Variants in OSBPL3 observed in about 807,000 individuals in gnomAD.
The protein encoded by OSBPL3 is oxysterol-binding protein-related protein 3.
A neutral mutation model predicts 120.1 loss-of-function variants in OSBPL3; 65 were observed. That is an observed-to-expected ratio of 0.54 (90% CI 0.44 to 0.67). The LOEUF is 0.67. Among genes scored for constraint, OSBPL3 ranks in the 30% least tolerant of loss-of-function variants. The pLI is 0.00. For missense variants in OSBPL3, 1,004 were observed against 1,082.1 expected (o/e 0.93, Z 1.01); for synonymous variants, 416 against 402.6 (o/e 1.03, Z -0.40).
rs1562796139 is a variant in OSBPL3, at chr7:24,834,670, G to GGGCAGGGCGCC, written c.1551_1561dup (p.Pro521ArgfsTer16). ...CCACAGGCTGATGTTACTGCTGCTCGGGCAGGGCGCCGGCAGGCACGTTCT... is the reference window on the plus strand; with the variant it reads ...CCACAGGCTGATGTTACTGCTGCTCGGGCAGGGCGCCGGCAGGGCGCCGGCAGGCACGTTCT... On this transcript the variant is annotated frameshift_variant, in exon 15 of 23. Transcript: ENST00000313367. LOFTEE classifies it high-confidence loss of function. The surrounding 1 kb of genome is among the most constrained non-coding windows in gnomAD (Gnocchi z 5.2). 7 of 1,613,972 alleles carry GGGCAGGGCGCC rather than the reference G, an allele frequency of 4.3e-6. No homozygotes were observed. In the Admixed American group the frequency reaches 1.2e-4, roughly 27 times the overall value.
intron 1 of OSBPL3, among the ~76,000 whole-genome samples, chr7:24,934,597 A>G (rs1812172535): frequency 6.6e-6 from 1 of 152,206 alleles, no homozygotes. Flanking sequence ...CGGATTAGAA[A>G]TCAGGATGAA....
Position 24,819,480 on chromosome 7 carries a change from A to G in OSBPL3, c.1948+695T>C, listed in dbSNP as rs1472698570. On this transcript the variant is annotated intron_variant, in intron 17 of 22. Transcript: ENST00000313367. The surrounding 1 kb of genome is among the most constrained non-coding windows in gnomAD (Gnocchi z 4.1). The stretch of plus-strand genomic sequence containing the variant: ...TGATTGCCTCCAAAGAGAGAAACTG[A>G]GTGGCTGGGGAAGGGGGTTACAGTA... 6.6e-6 allele frequency among the ~76,000 whole-genome samples: 1 copy of G among 152,134 alleles called. No individual in the cohort carries two copies.
Position 24,872,159 on chromosome 7 carries a change from C to T in OSBPL3, c.97-90G>A. On this transcript the variant is annotated intron_variant, in intron 2 of 22. Transcript: ENST00000313367. The surrounding 1 kb of genome is among the most constrained non-coding windows in gnomAD (Gnocchi z 4.1). The stretch of plus-strand genomic sequence containing the variant: ...ACTGCATCCTGTCAGTAAATTTATT[C>T]AAGATGGGGAGGCTGGCTGGGTTTG... 1 of 927,434 alleles carries T rather than the reference C, an allele frequency of 1.1e-6. No individual in the cohort carries two copies. Among genetic ancestry groups the T allele is most frequent in the Admixed American group, 1.8e-5 (1 of 54,990 alleles). The allele number at this position is 927,434 out of a possible 1,614,324, so 57.5% of individuals were successfully genotyped here.
intron 13 of OSBPL3, among the ~76,000 whole-genome samples, chr7:24,841,469 G>T (rs1419477586): frequency 1.3e-5 from 2 of 151,712 alleles, no homozygotes; most frequent in Non-Finnish European, 2.9e-5. Flanking sequence ...GGCTGAGGCG[G>T]ATGGATCACT....
chr7:24,895,021 G>A (rs1390147340), intron 1 of OSBPL3, among the ~76,000 whole-genome samples: 1 of 152,098 alleles, frequency 6.6e-6, no homozygotes, highest in Non-Finnish European at 1.5e-5. Context: ...GAGGGGACCC[G>A]CAGCCCCTCC....
chr7:24,809,933 T>C lies in OSBPL3; in HGVS notation c.2191A>G (p.Asn731Asp). ...ACTGTGCCTTCAATCTCATGGGCAT[T>C]AGTGCTCCAGTATTTTGCCTAGGAT... ...NFIKAKYWST[N>D]AHEIEGTVFD... Residue 731 changes from asparagine to aspartate, a missense_variant, in exon 20 of 23, where the codon AAT (asparagine) becomes GAT (aspartate). By Grantham distance (23) the Asn-to-Asp change is conservative (BLOSUM62 1). Around this residue, in one of 4 missense-constraint regions of OSBPL3, gnomAD observed 473 missense variants for 568.0 expected, o/e 0.83. Transcript: ENST00000313367. 6.2e-7 allele frequency: 1 copy of C among 1,614,202 alleles called. No individual in the cohort carries two copies. Among genetic ancestry groups the C allele is most frequent in the South Asian group, 1.1e-5 (1 of 91,082 alleles).
chr7:24,836,580 C>T (rs1480118002), intron 14 of OSBPL3, among the ~76,000 whole-genome samples: 1 of 152,118 alleles, frequency 6.6e-6, no homozygotes, highest in Admixed American at 6.5e-5. Flanking sequence ...TCGTTTCATG[C>T]TCTGAAATTC....
At chr7:24,853,345 T>C (rs1222325393) in intron 10 of OSBPL3, among the ~76,000 whole-genome samples, 4 of 152,248 alleles carry the variant, frequency 2.6e-5, no homozygotes, top group Non-Finnish European at 5.9e-5. Flanking sequence ...CTTTGGTGTA[T>C]GCCAGCCAGG....
chr7:24,892,530 C>A lies in OSBPL3; in HGVS notation c.-58G>T. The A allele has an allele frequency of 6.3e-7, 1 of 1,584,468 alleles. No individual in the cohort carries two copies. Among genetic ancestry groups the A allele is most frequent in the Admixed American group, 1.7e-5 (1 of 59,230 alleles). ...AAATGCCATCAGATGACAAGGGAGC[C>A]GAGAGTATGGAAGTCCCCAGTGGCA... On this transcript the variant is annotated 5_prime_UTR_variant, in exon 2 of 23. Transcript: ENST00000313367.
chr7:24,921,148 T>C (rs1050381699), intron 1 of OSBPL3, among the ~76,000 whole-genome samples: 4 of 152,188 alleles, frequency 2.6e-5, no homozygotes, highest in Admixed American at 2.6e-4. Flanking sequence ...AAACAATTGG[T>C]TGATCTTTGC....
In OSBPL3 at chr7:24,815,661, G is replaced by A. The variant is rs968608581; in HGVS notation, c.2028-458C>T. Among the ~76,000 whole-genome samples, 8 of 152,224 alleles carry A rather than the reference G, an allele frequency of 5.3e-5. No individual in the cohort carries two copies. The highest frequency in any genetic ancestry group is 1.7e-4 in the African/African-American group (7 of 41,454). On this transcript the variant is annotated intron_variant, in intron 18 of 22. Transcript: ENST00000313367. This position sits in a 1 kb window ranked among gnomAD's most constrained non-coding sequence, Gnocchi z 5.1. Reference sequence around the variant, plus strand: ...ATTACTTATGGAATTCAATAATTACGAGGAAAATGGTATTAATAATAAGAC... The same window carrying A: ...ATTACTTATGGAATTCAATAATTACAAGGAAAATGGTATTAATAATAAGAC...
In OSBPL3 at chr7:24,926,309, A is replaced by G. The variant is rs183316125; in HGVS notation, c.-149-33688T>C. Reference sequence around the variant, plus strand: ...ACCTGTAACAAATAAGAGGTCATCTAGCTGCAAATCAGAATCATCCATGGA... The same window carrying G: ...ACCTGTAACAAATAAGAGGTCATCTGGCTGCAAATCAGAATCATCCATGGA... On this transcript the variant is annotated intron_variant, in intron 1 of 22. Coordinates refer to ENST00000313367, the MANE Select transcript of OSBPL3 (RefSeq NM_015550.4). 3.1e-3 allele frequency among the ~76,000 whole-genome samples: 477 copies of G among 152,352 alleles called. 2 individuals are homozygous for G. Among genetic ancestry groups the G allele is most frequent in the African/African-American group, 0.01 (436 of 41,588 alleles).
At chr7:24,878,905 A>AT (rs905688951) in intron 2 of OSBPL3, among the ~76,000 whole-genome samples, 4 of 152,216 alleles carry the variant, frequency 2.6e-5, no homozygotes, top group African/African-American at 9.6e-5. Context: ...CTGCTGGACC[A>AT]TAAGCCCAAC....
Position 24,912,789 on chromosome 7 carries a change from T to G in OSBPL3, c.-149-20168A>C, listed in dbSNP as rs1418464797. Among the ~76,000 whole-genome samples the G allele has an allele frequency of 6.6e-6, 1 of 152,236 alleles. No individual in the cohort carries two copies. Among genetic ancestry groups the G allele is most frequent in the Admixed American group, 6.5e-5 (1 of 15,288 alleles). ...TCTAACAAAGTGACCGTGACACTTC[T>G]TCATCAATAGATGGCTTCTATATTC... On this transcript the variant is annotated intron_variant, in intron 1 of 22. Transcript: ENST00000313367. The surrounding 1 kb of genome is among the most constrained non-coding windows in gnomAD (Gnocchi z 4.5).
rs1176816445 is a variant in OSBPL3, at chr7:24,938,793, G to GTGTGTC, written c.-150+41092_-150+41093insGACACA. 6.8e-6 allele frequency among the ~76,000 whole-genome samples: 1 copy of GTGTGTC among 146,938 alleles called. No individual in the cohort carries two copies. The highest frequency in any genetic ancestry group is 1.5e-5 in the Non-Finnish European group (1 of 66,556). ...GTTTTGTTTTGATGTGTGTGTGTGT[G>GTGTGTC]TGTGTGTGTGTGTGTGTGTGTGTGT... is the stretch of plus-strand genomic sequence containing the variant. On this transcript the variant is annotated intron_variant, in intron 1 of 22. Coordinates refer to ENST00000313367, the MANE Select transcript of OSBPL3 (RefSeq NM_015550.4). This position sits in a 1 kb window ranked among gnomAD's most constrained non-coding sequence, Gnocchi z 5.8.
intron 2 of OSBPL3, among the ~76,000 whole-genome samples, chr7:24,890,529 T>C (rs1805191617): frequency 6.6e-6 from 1 of 152,148 alleles, no homozygotes; most frequent in African/African-American, 2.4e-5. Context: ...AAGCATACCC[T>C]GGGACAGAAC....
Position 24,871,651 on chromosome 7 carries a change from C to T in OSBPL3, c.267+91G>A. On this transcript the variant is annotated intron_variant, in intron 4 of 22. Coordinates refer to ENST00000313367, the MANE Select transcript of OSBPL3 (RefSeq NM_015550.4). This position sits in a 1 kb window ranked among gnomAD's most constrained non-coding sequence, Gnocchi z 4.8. ...CTATGGTTTCCAGTTCCGAGAAAAG[C>T]TATCCTCAACTATACACACTCTCAT... The T allele has an allele frequency of 1.1e-6, 1 of 936,796 alleles. No homozygotes were observed. 58.0% of individuals were successfully genotyped at this position (936,796 alleles called of 1,614,324 possible). A position where few individuals can be genotyped will look rare whatever the true frequency, so the allele number is the denominator to read the frequency against.
Position 24,800,127 on chromosome 7 carries a change from C to T in OSBPL3, c.*56G>A, listed in dbSNP as rs1792114400. 14 of 992,210 alleles carry T rather than the reference C, an allele frequency of 1.4e-5. No individual in the cohort carries two copies. In the South Asian group the frequency reaches 1.6e-4, roughly 11 times the overall value. 61.5% of individuals were successfully genotyped at this position (992,210 alleles called of 1,614,324 possible). A position where few individuals can be genotyped will look rare whatever the true frequency, so the allele number is the denominator to read the frequency against. On this transcript the variant is annotated 3_prime_UTR_variant, in exon 23 of 23. Coordinates refer to ENST00000313367, the MANE Select transcript of OSBPL3 (RefSeq NM_015550.4). ...AATATATAAACACAGGTTTGTGCCA[C>T]TTCAGAAGGCAAGCACAGGAGAAAT...
Position 24,830,994 on chromosome 7 carries a change from AT to A in OSBPL3, c.1747-90del. On this transcript the variant is annotated intron_variant, in intron 15 of 22. Coordinates refer to ENST00000313367, the MANE Select transcript of OSBPL3 (RefSeq NM_015550.4). The surrounding 1 kb of genome is among the most constrained non-coding windows in gnomAD (Gnocchi z 4.4). Reference sequence around the variant, plus strand: ...AACTAAACAAAATAAAACCTCTATGATTTTCTTTCAGAAAGCCAAAGATTTG... The same window carrying A: ...AACTAAACAAAATAAAACCTCTATGATTTCTTTCAGAAAGCCAAAGATTTG... The A allele has an allele frequency of 1.5e-6, 2 of 1,292,522 alleles. No homozygotes were observed. Among genetic ancestry groups the A allele is most frequent in the Non-Finnish European group, 2.1e-6 (2 of 972,650 alleles). 80.1% of individuals were successfully genotyped at this position (1,292,522 alleles called of 1,614,324 possible).
Sources: gnomAD v4.1 joint callset for allele counts (sites outside exome capture counted in the v4.1 genomes callset) on GRCh38, gnomAD v4.1.1 for gene constraint, gnomAD v4.1.1 regional missense constraint, Gnocchi (gnomAD v3.1) non-coding constraint, MANE v1.5 for transcripts, NCBI Gene and HGNC (gene_info 2026-07-23, HGNC 2026-07-21) for gene names.